ADAMTS12: variants seen among roughly 807,000 people sequenced by gnomAD.
ADAMTS12 encodes ADAM metallopeptidase with thrombospondin type 1 motif 12.
A neutral mutation model predicts 167.8 loss-of-function variants in ADAMTS12; 118 were observed. The ratio of observed to expected loss-of-function variants is 0.70; its 90% CI spans 0.61 to 0.82. ADAMTS12 has a LOEUF of 0.82. Among genes scored for constraint, ADAMTS12 ranks in the 40% least tolerant of loss-of-function variants. ADAMTS12 has a pLI of 0.00. For missense variants in ADAMTS12, 1,916 were observed against 1,998.8 expected (o/e 0.96, Z 0.79); for synonymous variants, 704 against 716.9 (o/e 0.98, Z 0.29).
At chr5:33,624,187 C>A (rs1481826870) in intron 14 of ADAMTS12, 44 bp downstream of exon 14, 1 of 1,610,894 alleles carries the variant, frequency 6.2e-7, no homozygotes, top group Non-Finnish European at 8.5e-7. Context: ...TCTTGCCCCC[C>A]ACCTTTGGTC....
intron 6 of ADAMTS12, 92 bp downstream of exon 6, chr5:33,661,824 A>T: frequency 6.5e-7 from 1 of 1,540,126 alleles, no homozygotes; most frequent in South Asian, 1.2e-5. Flanking sequence ...AAGAATAGTG[A>T]GAATGTCATG....
intron 18 of ADAMTS12, among the ~76,000 whole-genome samples, chr5:33,584,238 A>C (rs1180122464): frequency 6.6e-6 from 1 of 152,250 alleles, no homozygotes; most frequent in Admixed American, 6.5e-5. Flanking sequence ...CTTAATAGAT[A>C]CATACATAAT....
chr5:33,658,811 C>T (rs1169864422), intron 6 of ADAMTS12, among the ~76,000 whole-genome samples: 1 of 152,122 alleles, frequency 6.6e-6, no homozygotes, highest in Non-Finnish European at 1.5e-5. Flanking sequence ...TCAACCTATC[C>T]AGAGATTTAA....
chr5:33,777,482 C>CT (rs55779008), intron 2 of ADAMTS12, among the ~76,000 whole-genome samples: 32,318 of 152,012 alleles, frequency 0.21, 4,623 homozygotes, highest in East Asian at 0.4. Context: ...ATTCAACATC[C>CT]TTCATGACAA....
intron 2 of ADAMTS12, among the ~76,000 whole-genome samples, chr5:33,874,610 C>T (rs1393529131): frequency 1.3e-5 from 2 of 152,168 alleles, no homozygotes; most frequent in Admixed American, 6.5e-5. Context: ...AAACTCTTGT[C>T]CACAAAGAAA....
intron 17 of ADAMTS12, among the ~76,000 whole-genome samples, chr5:33,590,846 A>G (rs1417997993): frequency 6.6e-6 from 1 of 151,878 alleles, no homozygotes; most frequent in Non-Finnish European, 1.5e-5. Context: ...AATGGACTAA[A>G]ACAGCTTAGT....
At chr5:33,829,381 A>G (rs551230532) in intron 2 of ADAMTS12, among the ~76,000 whole-genome samples, 89 of 152,182 alleles carry the variant, frequency 5.8e-4, no homozygotes, top group African/African-American at 2.1e-3. Context: ...TTTAATTCTT[A>G]ATAGTACTTT....
chr5:33,545,634 G>A (rs1744933867), intron 22 of ADAMTS12, among the ~76,000 whole-genome samples: 1 of 152,124 alleles, frequency 6.6e-6, no homozygotes, highest in Non-Finnish European at 1.5e-5. Context: ...ATTATAGACT[G>A]GATTAAGAAA....
At chr5:33,690,944 A>G (rs1215708396) in intron 3 of ADAMTS12, among the ~76,000 whole-genome samples, 2 of 152,176 alleles carry the variant, frequency 1.3e-5, no homozygotes, top group Non-Finnish European at 2.9e-5. Context: ...CAAAAAATGA[A>G]GTAATCAACC....
intron 2 of ADAMTS12, among the ~76,000 whole-genome samples, chr5:33,814,615 G>A (rs1317288966): frequency 1.3e-5 from 2 of 152,130 alleles, no homozygotes; most frequent in Non-Finnish European, 1.5e-5. Context: ...AAATCACCCA[G>A]GGAATATAAG....
chr5:33,530,746 ACT>A (rs913219404), intron 23 of ADAMTS12, among the ~76,000 whole-genome samples: 3 of 151,830 alleles, frequency 2.0e-5, no homozygotes, highest in African/African-American at 7.3e-5. Flanking sequence ...ACGGCACCAT[ACT>A]CTCTCTTGAC....
intron 2 of ADAMTS12, among the ~76,000 whole-genome samples, chr5:33,838,546 G>GC (rs1748617504): frequency 6.6e-6 from 1 of 152,162 alleles, no homozygotes; most frequent in South Asian, 2.1e-4. Flanking sequence ...AGCCGGGTGT[G>GC]ATGGTGCATG....
At chr5:33,789,894 G>C (rs980118752) in intron 2 of ADAMTS12, among the ~76,000 whole-genome samples, 21 of 151,922 alleles carry the variant, frequency 1.4e-4, no homozygotes, top group African/African-American at 3.9e-4. Flanking sequence ...CTTTGCCTAA[G>C]AATACAACAG....
Position 33,683,861 on chromosome 5 carries a change from T to A in ADAMTS12, c.829A>T (p.Met277Leu), listed in dbSNP as rs1579834117. The A allele has an allele frequency of 6.6e-7, 1 of 1,526,666 alleles. No homozygotes were observed. The allele number at this position is 1,526,666 out of a possible 1,614,324, so 94.6% of individuals were successfully genotyped here. Residue 277 changes from methionine (M) to leucine (L), a missense_variant and splice_region_variant, in exon 4 of 24, where the codon ATG (methionine) becomes TTG (leucine). Met to Leu is a conservative substitution (Grantham distance 15). Coordinates refer to ENST00000504830, the MANE Select transcript of ADAMTS12 (RefSeq NM_030955.4). The stretch of plus-strand genomic sequence containing the variant: ...AGCCCCCATGTAGTCTGGCATACCA[T>A]GTTCATGATGGTGAGGATGTAGGAC... ...VESYILTIMN[M>L]VTGLFHNPSI...
chr5:33,781,750 G>T (rs535152403), intron 2 of ADAMTS12, among the ~76,000 whole-genome samples: 54 of 151,758 alleles, frequency 3.6e-4, no homozygotes, highest in African/African-American at 1.2e-3. Context: ...CAATGTGCAG[G>T]TTAGTTACAT....
intron 13 of ADAMTS12, among the ~76,000 whole-genome samples, chr5:33,629,904 T>C (rs57724077): frequency 0.35 from 52,503 of 152,008 alleles, 10,230 homozygotes; most frequent in African/African-American, 0.54. Context: ...TTTAGAGAGC[T>C]TCTCTCTGTC....
Position 33,788,647 on chromosome 5 carries a change from T to C in ADAMTS12, c.490-37099A>G, listed in dbSNP as rs533473224. Among the ~76,000 whole-genome samples the C allele has an allele frequency of 7.9e-5, 12 of 152,250 alleles. No individual in the cohort carries two copies. The East Asian group carries it at 2.3e-3, about 29-fold the overall frequency. On this transcript the variant is annotated intron_variant, in intron 2 of 23. Transcript: ENST00000504830. ...GAAGCAGGTGCACCAGGAAGCTATT[T>C]TGAATTTCTGCAGTCATGAAAGGAT... is the stretch of plus-strand genomic sequence containing the variant.
At chr5:33,580,212 CA>C (rs1332710815) in intron 18 of ADAMTS12, among the ~76,000 whole-genome samples, 3 of 152,042 alleles carry the variant, frequency 2.0e-5, no homozygotes, top group African/African-American at 7.3e-5. Context: ...AAAGAAATAC[CA>C]GACAGGGAAA....
At chr5:33,596,121 G>C (rs1305577244) in intron 16 of ADAMTS12, 61 bp from the exon 17 acceptor site, 1 of 1,588,722 alleles carries the variant, frequency 6.3e-7, no homozygotes, top group African/African-American at 1.3e-5. Context: ...CTCATGGTCA[G>C]GTGAGGTACC....
Sources: allele counts gnomAD v4.1 joint callset (sites outside exome capture counted in the v4.1 genomes callset), GRCh38; gene constraint gnomAD v4.1.1; transcripts MANE v1.5; gene names NCBI Gene and HGNC (gene_info 2026-07-23, HGNC 2026-07-21).